MCM5: variants seen among roughly 807,000 people sequenced by gnomAD.
MCM5 encodes the protein minichromosome maintenance complex component 5, also known as DNA replication licensing factor MCM5.
Under a neutral mutation model 79.9 loss-of-function variants are expected in MCM5, and 46 were observed. That is an observed-to-expected ratio of 0.58 (90% CI 0.45 to 0.74). The LOEUF (loss-of-function observed/expected upper bound fraction) is 0.74. Ranked by LOEUF, MCM5 falls within the 30% of genes least tolerant of loss-of-function variation. The pLI, the probability that MCM5 is intolerant of heterozygous loss-of-function variation, is 0.00. For missense variants in MCM5, 883 were observed against 1,017.0 expected, an observed-to-expected ratio of 0.87 and a Z score of 1.79; for synonymous variants, 404 against 390.5, an observed-to-expected ratio of 1.03 and a Z score of -0.41.
intron 14 of MCM5, among the ~76,000 whole-genome samples, chr22:35,420,253 C>T (rs748755878): frequency 6.6e-6 from 1 of 152,222 alleles, no homozygotes; most frequent in Non-Finnish European, 1.5e-5. Flanking sequence ...GGCCTGGCTT[C>T]TCCCATTGTA....
At chr22:35,450,944 C>T in the MCM5 span, among the ~76,000 whole-genome samples, 3 of 152,208 alleles carry the variant, frequency 2.0e-5, no homozygotes, top group African/African-American at 7.2e-5. Context: ...GAGAGTCCAG[C>T]ACATAACAAG....
chr22:35,403,489 A>G lies in MCM5; in HGVS notation c.370A>G (p.Ile124Val), dbSNP rs765672432. ...TTCTGGGGAGGAGGTGCTCCAGGAC[A>G]TCCAGGTCATGCTCAAGTCGGACGC... is the stretch of plus-strand genomic sequence containing the variant. Reference protein sequence around the residue: ...RPSGEEVLQDIQVMLKSDASP... With the variant: ...RPSGEEVLQDVQVMLKSDASP... The change falls in exon 4 of 17, where the codon ATC becomes GTC. Residue 124 changes from isoleucine (I) to valine (V), a missense_variant. Physicochemically the swap from Ile to Val is conservative, Grantham distance 29 (BLOSUM62 3). Transcript: ENST00000216122. 4 of 1,614,142 alleles carry G rather than the reference A, an allele frequency of 2.5e-6. No homozygotes were observed. The highest frequency in any genetic ancestry group is 2.2e-5 in the South Asian group (2 of 91,074).
At chr22:35,433,521 CT>C in the MCM5 span, among the ~76,000 whole-genome samples, 7 of 152,206 alleles carry the variant, frequency 4.6e-5, no homozygotes, top group Non-Finnish European at 4.4e-5. Flanking sequence ...CCCAGGTTGC[CT>C]TTGGGGACCT....
chr22:35,446,802 A>G, the MCM5 span, among the ~76,000 whole-genome samples: 151 of 148,766 alleles, frequency 1.0e-3, 4 homozygotes, highest in South Asian at 0.013. Context: ...GAGCATCTTC[A>G]TCACCCAAAT....
rs1048943795 is a variant in MCM5, at chr22:35,414,922, G to A, written c.1204-907G>A. On this transcript the variant is annotated intron_variant, in intron 9 of 16. Coordinates refer to ENST00000216122, the MANE Select transcript of MCM5 (RefSeq NM_006739.4). ...AGCCAGAGAAGGTCTGACATGATCC[G>A]AGTGGCGGGGTTGTATAGGGCGAGA... 1.8e-4 allele frequency among the ~76,000 whole-genome samples: 27 copies of A among 152,300 alleles called. 1 individual carries two copies. Among genetic ancestry groups the A allele is most frequent in the Middle Eastern group, 3.4e-3 (1 of 294 alleles).
In MCM5 at chr22:35,403,506, G is replaced by A. The variant is rs61731684; in HGVS notation, c.387G>A (p.Lys129=). 3 of 1,614,152 alleles carry A rather than the reference G, an allele frequency of 1.9e-6. No individual in the cohort carries two copies. Among genetic ancestry groups the A allele is most frequent in the Non-Finnish European group, 2.5e-6 (3 of 1,180,034 alleles). ...EVLQDIQVML[K]SDASPSSIRS... ...TCCAGGACATCCAGGTCATGCTCAAGTCGGACGCCAGCCCTTCCAGCATTC... is the reference window on the plus strand; with the variant it reads ...TCCAGGACATCCAGGTCATGCTCAAATCGGACGCCAGCCCTTCCAGCATTC... The change falls in exon 4 of 17, where the codon AAG becomes AAA. Residue 129 remains lysine (K), a synonymous_variant. Transcript: ENST00000216122.
In MCM5 at chr22:35,412,534, G is replaced by A. The variant is rs1601757368; in HGVS notation, c.944G>A (p.Ser315Asn). The change falls in exon 8 of 17, where the codon AGC (serine) becomes AAC (asparagine). Residue 315 changes from serine (S) to asparagine (N), a missense_variant. Around this residue, in one of 3 missense-constraint regions of MCM5, gnomAD observed 455 missense variants for 517.5 expected, o/e 0.88. Transcript: ENST00000216122. ...GGCCGCAGCTTTGCTGGGGCCGTGA[G>A]CCCCCAGGAGGAGGAGGAGTTCCGT... is the stretch of plus-strand genomic sequence containing the variant. ...GSGRSFAGAV[S>N]PQEEEEFRRL... 6.4e-7 allele frequency: 1 copy of A among 1,568,314 alleles called. No individual in the cohort carries two copies. The highest frequency in any genetic ancestry group is 1.4e-5 in the African/African-American group (1 of 72,906).
intron 4 of MCM5, among the ~76,000 whole-genome samples, chr22:35,406,339 C>T (rs1034732768): frequency 3.0e-5 from 4 of 133,222 alleles, no homozygotes; most frequent in African/African-American, 1.1e-4. Flanking sequence ...AAAGCAGGAG[C>T]TGTGCCTGAG....
At chr22:35,438,392 C>T in the MCM5 span, among the ~76,000 whole-genome samples, 2 of 151,388 alleles carry the variant, frequency 1.3e-5, no homozygotes, top group African/African-American at 2.4e-5. Flanking sequence ...TCCATCCATC[C>T]ATCCACCCAC....
the MCM5 span, among the ~76,000 whole-genome samples, chr22:35,451,805 A>G: frequency 6.6e-6 from 1 of 152,204 alleles, no homozygotes; most frequent in Non-Finnish European, 1.5e-5. Context: ...AGGGAGAAGG[A>G]AGGGAGCATG....
chr22:35,435,893 G>A, the MCM5 span, among the ~76,000 whole-genome samples: 4 of 152,174 alleles, frequency 2.6e-5, no homozygotes, highest in Non-Finnish European at 5.9e-5. Flanking sequence ...ATGGCCGGGC[G>A]CGGTGGCTCA....
In MCM5 at chr22:35,416,331, C is replaced by T. The variant is rs1266910486; in HGVS notation, c.1348-8C>T. ...AGGTCTGATGATATTTCTCTCTTCC[C>T]CACTTAGATGCGAGAAGATGACCGT... On this transcript the variant is annotated splice_region_variant and splice_polypyrimidine_tract_variant and intron_variant, in intron 10 of 16. Transcript: ENST00000216122. 6.2e-7 allele frequency: 1 copy of T among 1,613,620 alleles called. No individual in the cohort carries two copies. The highest frequency in any genetic ancestry group is 1.1e-5 in the South Asian group (1 of 91,078).
chr22:35,435,717 AC>A, the MCM5 span, among the ~76,000 whole-genome samples: 4 of 151,852 alleles, frequency 2.6e-5, no homozygotes, highest in South Asian at 6.3e-4. Context: ...CCCAGTAGGC[AC>A]CCCCTGCCAG....
chr22:35,442,897 A>T, the MCM5 span, among the ~76,000 whole-genome samples: 1 of 152,192 alleles, frequency 6.6e-6, no homozygotes, highest in South Asian at 2.1e-4. Flanking sequence ...TGCCATGGAA[A>T]CATTGGAGAT....
chr22:35,417,942 C>T, intron 13 of MCM5, 86 bp downstream of exon 13: 1 of 892,350 alleles, frequency 1.1e-6, no homozygotes, highest in Non-Finnish European at 1.9e-6. Context: ...CCTGCTCCTC[C>T]TCATGAAGAA....
In MCM5 at chr22:35,424,249, C is replaced by G. The variant is rs1237482951; in HGVS notation, c.2199C>G (p.Leu733=). 2 of 1,544,576 alleles carry G rather than the reference C, an allele frequency of 1.3e-6. No individual in the cohort carries two copies. Among genetic ancestry groups the G allele is most frequent in the Non-Finnish European group, 1.7e-6 (2 of 1,142,974 alleles). The change falls in exon 17 of 17, where the codon CTC becomes CTG. Residue 733 remains leucine (L), a synonymous_variant. Coordinates refer to ENST00000216122, the MANE Select transcript of MCM5 (RefSeq NM_006739.4). ...TGCAGCGCAAGGTTCTCTACCGCCT[C>G]AAGTGAGTCGCGCCGCCTCACTGGA... ...HRMQRKVLYR[L]K
At chr22:35,453,073 C>T in the MCM5 span, among the ~76,000 whole-genome samples, 1 of 152,196 alleles carries the variant, frequency 6.6e-6, no homozygotes, top group South Asian at 2.1e-4. Context: ...CGGCCTCTTG[C>T]TGTCTGGGGA....
intron 6 of MCM5, 147 bp from the exon 7 acceptor site, chr22:35,410,597 C>T (rs555354680): frequency 6.6e-5 from 50 of 760,104 alleles, no homozygotes; most frequent in South Asian, 4.4e-4. Context: ...CTCTGGGCTC[C>T]GTGGGGCTGG....
chr22:35,421,924 T>A (rs1303431073), intron 15 of MCM5: 1 of 277,494 alleles, frequency 3.6e-6, no homozygotes, highest in Non-Finnish European at 7.1e-6. Context: ...GTCGCTTGGC[T>A]GGAATGCAAG....
Sources: gnomAD v4.1 joint callset for allele counts (sites outside exome capture counted in the v4.1 genomes callset) on GRCh38, gnomAD v4.1.1 for gene constraint, gnomAD v4.1.1 regional missense constraint, MANE v1.5 for transcripts, NCBI Gene and HGNC (gene_info 2026-07-23, HGNC 2026-07-21) for gene names.